Variants in CHD6 observed in about 807,000 individuals in gnomAD.
CHD6 encodes the protein chromodomain helicase DNA binding protein 6, also known as ATP-dependent chromatin remodeler CHD6.
CHD6 carries 50 observed loss-of-function variants against 276.9 expected under a neutral mutation model. The ratio of observed to expected loss-of-function variants is 0.18; its 90% CI spans 0.14 to 0.23. The LOEUF is 0.23. Ranked by LOEUF, CHD6 falls within the 10% of genes least tolerant of loss-of-function variation. The probability of loss-of-function intolerance (pLI) is 1.00; values close to 1 mark genes in which losing one functional copy is unlikely to be tolerated. For synonymous variants in CHD6, 1,173 were observed against 1,229.3 expected (o/e 0.95, Z 0.96); for missense variants, 2,564 against 3,365.8 (o/e 0.76, Z 5.89).
At chr20:41,438,390 G>C (rs1248166731) in intron 26 of CHD6, among the ~76,000 whole-genome samples, 2 of 152,034 alleles carry the variant, frequency 1.3e-5, no homozygotes, top group Non-Finnish European at 2.9e-5. Context: ...AGGAGTTCGA[G>C]ACCAGCCTGG....
chr20:41,451,687 T>C (rs2048245032), intron 22 of CHD6, 139 bp downstream of exon 22: 1 of 738,176 alleles, frequency 1.4e-6, no homozygotes, highest in African/African-American at 1.8e-5. Context: ...GAAAGCAACA[T>C]CTTTTCCCAC....
intron 16 of CHD6, among the ~76,000 whole-genome samples, chr20:41,479,138 AAAAG>A (rs1350322663): frequency 6.6e-6 from 1 of 152,170 alleles, no homozygotes; most frequent in Non-Finnish European, 1.5e-5. Context: ...GAAGACAGAT[AAAAG>A]AGAGAGAAAA....
chr20:41,483,488 T>A lies in CHD6; in HGVS notation c.2289A>T (p.Arg763=). The change falls in exon 16 of 37, where the codon CGA becomes CGT. Residue 763 remains arginine (R), a synonymous_variant. Transcript: ENST00000373233. Reference sequence around the variant, plus strand: ...CAGGGGCATCAGGGCTGTGGGTTTTTCGGAAATCTTCTAGAATTTTCTCCT... The same window carrying A: ...CAGGGGCATCAGGGCTGTGGGTTTTACGGAAATCTTCTAGAATTTTCTCCT... ...GAEEKILEDF[R]KTHSPDAPDF... is the part of the protein sequence containing the mutation. 1 of 1,613,018 alleles carries A rather than the reference T, an allele frequency of 6.2e-7. No homozygotes were observed. Among genetic ancestry groups the A allele is most frequent in the African/African-American group, 1.3e-5 (1 of 74,994 alleles).
intron 25 of CHD6, among the ~76,000 whole-genome samples, chr20:41,444,492 A>T (rs937613262): frequency 6.6e-6 from 1 of 152,176 alleles, no homozygotes; most frequent in African/African-American, 2.4e-5. Flanking sequence ...GCGGTTTGAC[A>T]AAGGGTTCTC....
At chr20:41,591,932 T>C (rs2045666320) in intron 1 of CHD6, among the ~76,000 whole-genome samples, 1 of 151,996 alleles carries the variant, frequency 6.6e-6, no homozygotes, top group Non-Finnish European at 1.5e-5. Flanking sequence ...ACCCCGTCTC[T>C]ACTAAAAATA....
rs1054092413 is a variant in CHD6, at chr20:41,515,014, T to C, written c.555-62A>G. ...GTTTTTAAAACTAAGATTTCTCATG[T>C]GATCAACGTCATGAAATCACATCCT... On this transcript the variant is annotated intron_variant, in intron 3 of 36. Coordinates refer to ENST00000373233, the MANE Select transcript of CHD6 (RefSeq NM_032221.5). The C allele has an allele frequency of 3.9e-6, 6 of 1,549,168 alleles. No individual in the cohort carries two copies. In the African/African-American group the frequency reaches 6.8e-5, roughly 18 times the overall value.
rs567749232 is a variant in CHD6 at position 41,449,604 on chromosome 20, C to A, written c.3683+1342G>T. The stretch of plus-strand genomic sequence containing the variant: ...TGTCTGAACTCAAAGGGACACACAA[C>A]TGCAGCAGGTTTGTAACACCCTTGG... On this transcript the variant is annotated intron_variant, in intron 23 of 36. Coordinates refer to ENST00000373233, the MANE Select transcript of CHD6 (RefSeq NM_032221.5). Among the ~76,000 whole-genome samples the A allele has an allele frequency of 2.0e-4, 30 of 152,354 alleles. No individual in the cohort carries two copies. The South Asian group carries it at 6.2e-3, about 32-fold the overall frequency.
In CHD6 at chr20:41,437,332, C is replaced by A; in HGVS notation, c.4010G>T (p.Gly1337Val). 1 of 1,610,722 alleles carries A rather than the reference C, an allele frequency of 6.2e-7. No individual in the cohort carries two copies. Reference protein sequence around the residue: ...TDGTSDIPERGNTDKEDNAED... With the variant: ...TDGTSDIPERVNTDKEDNAED... ...AGCATTGTCTTCTTTATCTGTGTTG[C>A]CTCTAAATAAAAGTAAAAAAAGGCA... Residue 1337 changes from glycine (G) to valine (V), a missense_variant and splice_region_variant, in exon 27 of 37, where the codon GGC becomes GTC. By Grantham distance (109) the Gly-to-Val change is moderately radical (BLOSUM62 -3). Around this residue, in one of 7 missense-constraint regions of CHD6, gnomAD observed 515 missense variants for 739.5 expected, o/e 0.70. Transcript: ENST00000373233.
Position 41,403,393 on chromosome 20 carries a change from T to G in CHD6, c.*1200A>C. On this transcript the variant is annotated 3_prime_UTR_variant, in exon 37 of 37. Transcript: ENST00000373233. ...GGGGAAGTGCTGCTTAGGCAGTTTC[T>G]TTCTCAGTTCCTAAACATGGAGAAG... The G allele has an allele frequency of 9.4e-7, 1 of 1,062,164 alleles. No individual in the cohort carries two copies. The highest frequency in any genetic ancestry group is 1.1e-6 in the Non-Finnish European group (1 of 877,134). 65.8% of individuals were successfully genotyped at this position (1,062,164 alleles called of 1,614,324 possible).
chr20:41,528,162 T>C (rs1267551964), intron 3 of CHD6, among the ~76,000 whole-genome samples: 2 of 152,216 alleles, frequency 1.3e-5, no homozygotes, highest in Non-Finnish European at 2.9e-5. Context: ...TCTGAGAAAC[T>C]GGCATGTTGC....
chr20:41,412,679 T>C (rs552842916), intron 35 of CHD6, among the ~76,000 whole-genome samples: 1 of 152,322 alleles, frequency 6.6e-6, no homozygotes, highest in East Asian at 1.9e-4. Context: ...TCTACCTACA[T>C]ATCTTATTAG....
At position 41,599,395 on chromosome 20, in the gene CHD6, T is replaced by C. The variant is rs545996230; in HGVS notation, c.-24+18945A>G. 3.9e-5 allele frequency among the ~76,000 whole-genome samples: 6 copies of C among 152,278 alleles called. No individual in the cohort carries two copies. In the East Asian group the frequency reaches 7.7e-4, roughly 20 times the overall value. On this transcript the variant is annotated intron_variant, in intron 1 of 36. Coordinates refer to ENST00000373233, the MANE Select transcript of CHD6 (RefSeq NM_032221.5). ...ATAGATTACCCCTTCTCTGGTCTCA[T>C]GGAAAAATGGTTTAGAAAATGGAAG...
At position 41,415,507 on chromosome 20, in the gene CHD6, G is replaced by A. The variant is rs753765699; in HGVS notation, c.6618C>T (p.Ile2206=). The A allele has an allele frequency of 6.2e-7, 1 of 1,614,078 alleles. No individual in the cohort carries two copies. The highest frequency in any genetic ancestry group is 8.5e-7 in the Non-Finnish European group (1 of 1,179,986). ...QFSATHGHTP[I]ILNGWHGESA... is the part of the protein sequence containing the mutation. ...ACTCCCCATGCCAGCCATTGAGGAT[G>A]ATAGGGGTGTGCCCGTGGGTGGCAG... is the stretch of plus-strand genomic sequence containing the variant. Residue 2206 remains isoleucine (I), a synonymous_variant, in exon 34 of 37, where the codon ATC becomes ATT. Coordinates refer to ENST00000373233, the MANE Select transcript of CHD6 (RefSeq NM_032221.5).
intron 35 of CHD6, 135 bp from the exon 36 acceptor site, chr20:41,412,398 A>C: frequency 1.0e-6 from 1 of 964,004 alleles, no homozygotes; most frequent in Non-Finnish European, 1.6e-6. Context: ...GGTTAAACTA[A>C]AGGAAATAGC....
At chr20:41,492,700 A>C (rs1230606205) in intron 10 of CHD6, among the ~76,000 whole-genome samples, 1 of 152,264 alleles carries the variant, frequency 6.6e-6, no homozygotes, top group Non-Finnish European at 1.5e-5. Context: ...AGACAGGCGG[A>C]TCACCTGAAG....
chr20:41,460,484 C>T (rs1343639599), intron 17 of CHD6, among the ~76,000 whole-genome samples: 2 of 152,192 alleles, frequency 1.3e-5, no homozygotes, highest in African/African-American at 4.8e-5. Flanking sequence ...GGTCCCTGTG[C>T]TGTGTGCAGC....
chr20:41,592,538 CAAT>C (rs1271544275), intron 1 of CHD6, among the ~76,000 whole-genome samples: 3 of 152,184 alleles, frequency 2.0e-5, no homozygotes. Context: ...AACAATGACA[CAAT>C]AGTAGTACTT....
chr20:41,565,070 T>C (rs1463173292), intron 1 of CHD6, among the ~76,000 whole-genome samples: 1 of 151,160 alleles, frequency 6.6e-6, no homozygotes, highest in African/African-American at 2.4e-5. Context: ...AGAGAAGTCA[T>C]GGAGTCCAAG....
intron 2 of CHD6, among the ~76,000 whole-genome samples, chr20:41,541,542 G>A (rs1444184093): frequency 6.6e-6 from 1 of 152,196 alleles, no homozygotes; most frequent in Admixed American, 6.5e-5. Context: ...GAGAAAACAG[G>A]ACCAAATCCT....
Sources: allele counts gnomAD v4.1 joint callset (sites outside exome capture counted in the v4.1 genomes callset), GRCh38; gene constraint gnomAD v4.1.1; regional missense constraint gnomAD v4.1.1; transcripts MANE v1.5; gene names NCBI Gene and HGNC (gene_info 2026-07-23, HGNC 2026-07-21).